The following SIGLEC1 variants were observed in gnomAD, a reference collection of about 807,000 sequenced individuals.
SIGLEC1 encodes the protein sialoadhesin.
SIGLEC1 carries 132 observed loss-of-function variants against 148.0 expected under a neutral mutation model. That is an observed-to-expected ratio of 0.89 (90% confidence interval 0.77 to 1.03). The LOEUF (loss-of-function observed/expected upper bound fraction) is 1.03, where lower values mean the gene tolerates loss of function less well. Ranked by LOEUF, SIGLEC1 falls within the 50% of genes least tolerant of loss-of-function variation. The probability of loss-of-function intolerance (pLI) is 0.00; values close to 1 mark genes in which losing one functional copy is unlikely to be tolerated. For synonymous variants in SIGLEC1, 945 were observed against 969.0 expected (o/e 0.98, Z 0.46); for missense variants, 2,253 against 2,271.4 (o/e 0.99, Z 0.16).
rs1307504456 is a variant in SIGLEC1, at chr20:3,694,411, G to A, written c.3066C>T (p.Arg1022=). 2.5e-6 allele frequency: 4 copies of A among 1,612,760 alleles called. No homozygotes were observed. The highest frequency in any genetic ancestry group is 3.4e-6 in the Non-Finnish European group (4 of 1,179,632). The stretch of plus-strand genomic sequence containing the variant: ...CACCTTGTAGGGTGGAGGCCACAAG[G>A]CGATCCCCGTGGAGCAGCCGCAGCT... The part of the protein sequence containing the change: ...PAQLRLLHGD[R]LVASTLQGVG... Residue 1022 remains arginine (R), a synonymous_variant, in exon 13 of 22, where the codon CGC becomes CGT. Transcript: ENST00000344754.
Position 3,703,748 on chromosome 20 carries a change from C to T in SIGLEC1, c.973+77G>A, listed in dbSNP as rs1055969746. The T allele has an allele frequency of 1.1e-5, 17 of 1,574,634 alleles. No individual in the cohort carries two copies. In the East Asian group the frequency reaches 3.4e-4, roughly 31 times the overall value. On this transcript the variant is annotated intron_variant, in intron 5 of 21. Coordinates refer to ENST00000344754, the MANE Select transcript of SIGLEC1 (RefSeq NM_023068.4). Reference sequence around the variant, plus strand: ...TATGCCAGTTGCTGGCCCTGCCCTGCCCTGTCTCCCCTCCGTCCCTGAGGC... The same window carrying T: ...TATGCCAGTTGCTGGCCCTGCCCTGTCCTGTCTCCCCTCCGTCCCTGAGGC...
chr20:3,709,450 A>G (rs1361033402), intron 1 of SIGLEC1, among the ~76,000 whole-genome samples: 1 of 152,224 alleles, frequency 6.6e-6, no homozygotes, highest in East Asian at 1.9e-4. Context: ...GAGGATGCGA[A>G]GTTGAAATTC....
intron 10 of SIGLEC1, 72 bp from the exon 11 acceptor site, chr20:3,696,960 A>C (rs1600284296): frequency 6.5e-7 from 1 of 1,526,984 alleles, no homozygotes; most frequent in Admixed American, 1.9e-5. Context: ...TATGTCCCCC[A>C]CCTCCTGCCA....
rs76015237 is a variant in SIGLEC1, at chr20:3,699,464, G to A, written c.1529-5C>T. The A allele has an allele frequency of 1.8e-4, 293 of 1,605,120 alleles. 1 individual carries two copies. In the East Asian group the frequency reaches 5.8e-3, roughly 32 times the overall value. On this transcript the variant is annotated splice_polypyrimidine_tract_variant and splice_region_variant and intron_variant, in intron 7 of 21. Coordinates refer to ENST00000344754, the MANE Select transcript of SIGLEC1 (RefSeq NM_023068.4). ...GGCTGATGAGGAGACGGGCGGCTGCGGGGAGAGGAAGAGGCTGGGAAGGGT... is the reference window on the plus strand; with the variant it reads ...GGCTGATGAGGAGACGGGCGGCTGCAGGGAGAGGAAGAGGCTGGGAAGGGT...
intron 7 of SIGLEC1, 21 bp downstream of exon 7, chr20:3,701,321 G>A (rs536446972): frequency 3.2e-6 from 5 of 1,584,054 alleles, no homozygotes; most frequent in South Asian, 1.2e-5. Flanking sequence ...CACTCTCCCT[G>A]GCTGCCAGTG....
rs1299130744 is a variant in SIGLEC1 at position 3,687,595 on chromosome 20, T to A, written c.*965A>T. On this transcript the variant is annotated 3_prime_UTR_variant, in exon 22 of 22. Transcript: ENST00000344754. ...TAGGAAAACACCAAACCTTTTTTATTTCCTCAGTCTTAGTGTGAGAGTGAT... is the reference window on the plus strand; with the variant it reads ...TAGGAAAACACCAAACCTTTTTTATATCCTCAGTCTTAGTGTGAGAGTGAT... 2 of 152,192 alleles carry A rather than the reference T, an allele frequency of 1.3e-5. No individual in the cohort carries two copies. Among genetic ancestry groups the A allele is most frequent in the Non-Finnish European group, 2.9e-5 (2 of 68,042 alleles). 9.4% of individuals were successfully genotyped at this position (152,192 alleles called of 1,614,324 possible).
chr20:3,698,807 A>AG (rs1036160003), intron 8 of SIGLEC1, among the ~76,000 whole-genome samples: 9 of 152,304 alleles, frequency 5.9e-5, no homozygotes, highest in African/African-American at 1.9e-4. Context: ...GCGGATGCAG[A>AG]GGGGCTGTCT....
rs780021394 is a variant in SIGLEC1, at chr20:3,706,531, G to A, written c.225C>T (p.Asp75=). ...GGAAGCGGGCCTCCACCAGCTTGGG[G>A]TCCGCCGAGTGGCTCACCACCTGCC... ...GQRQVVSHSA[D]PKLVEARFRG... Residue 75 remains aspartate, a synonymous_variant, in exon 3 of 22, where the codon GAC becomes GAT. Coordinates refer to ENST00000344754, the MANE Select transcript of SIGLEC1 (RefSeq NM_023068.4). 1.2e-6 allele frequency: 2 copies of A among 1,612,916 alleles called. No homozygotes were observed. Among genetic ancestry groups the A allele is most frequent in the African/African-American group, 1.3e-5 (1 of 74,944 alleles).
chr20:3,707,134 G>T lies in SIGLEC1; in HGVS notation c.-6C>A. ...AGCTTGGGCAAGAAGCCCATAGCAGGTTCTTGTGCTGCTCCTGTTGCCTAA... is the reference window on the plus strand; with the variant it reads ...AGCTTGGGCAAGAAGCCCATAGCAGTTTCTTGTGCTGCTCCTGTTGCCTAA... On this transcript the variant is annotated 5_prime_UTR_variant, in exon 2 of 22. Transcript: ENST00000344754. 1 of 1,613,930 alleles carries T rather than the reference G, an allele frequency of 6.2e-7. No homozygotes were observed. The highest frequency in any genetic ancestry group is 1.3e-5 in the African/African-American group (1 of 75,064).
At chr20:3,699,556 A>G in intron 7 of SIGLEC1, 97 bp from the exon 8 acceptor site, 1 of 1,451,278 alleles carries the variant, frequency 6.9e-7, no homozygotes, top group Non-Finnish European at 9.3e-7. Flanking sequence ...TCCCCACACT[A>G]CTGTAGGTAG....
chr20:3,695,975 C>G (rs2088816538), intron 11 of SIGLEC1, among the ~76,000 whole-genome samples: 1 of 151,992 alleles, frequency 6.6e-6, no homozygotes, highest in Non-Finnish European at 1.5e-5. Flanking sequence ...CCACACCTAG[C>G]TAATTTTTGT....
chr20:3,695,040 C>T, intron 11 of SIGLEC1, 117 bp from the exon 12 acceptor site: 1 of 1,069,996 alleles, frequency 9.3e-7, no homozygotes. Context: ...GAGCCGCAGC[C>T]CCTTCCAGAC....
rs200109891 is a variant in SIGLEC1, at chr20:3,696,651, C to G, written c.2618G>C (p.Ser873Thr). ...VRELGLGDSG[S>T]YRCEATNVLG... ...AACATTTGTGGCCTCACAGCGGTAG[C>G]TGCCAGAGTCCCCAAGGCCCAGTTC... is the stretch of plus-strand genomic sequence containing the variant. Residue 873 changes from serine to threonine, a missense_variant, in exon 11 of 22, where the codon AGC becomes ACC. Coordinates refer to ENST00000344754, the MANE Select transcript of SIGLEC1 (RefSeq NM_023068.4). The G allele has an allele frequency of 8.7e-6, 14 of 1,613,850 alleles. No individual in the cohort carries two copies. The highest frequency in any genetic ancestry group is 1.3e-5 in the African/African-American group (1 of 75,068).
chr20:3,689,309 G>A, intron 20 of SIGLEC1, 82 bp from the exon 21 acceptor site: 2 of 1,229,750 alleles, frequency 1.6e-6, no homozygotes, highest in Non-Finnish European at 1.2e-6. Context: ...CCACAGGCTG[G>A]CTCCAGACCA....
In SIGLEC1 at chr20:3,692,651, C is replaced by G; in HGVS notation, c.3900G>C (p.Trp1300Cys). 1 of 1,613,130 alleles carries G rather than the reference C, an allele frequency of 6.2e-7. No homozygotes were observed. Among genetic ancestry groups the G allele is most frequent in the Non-Finnish European group, 8.5e-7 (1 of 1,180,032 alleles). ...TLYTWYHNGR[W>C]LQEGPAASLS... ...GTGAGGCAGCTGGACCCTCCTGCAG[C>G]CAACGACCGTTGTGGTACCAAGTAT... is the stretch of plus-strand genomic sequence containing the variant. Residue 1300 changes from tryptophan to cysteine, a missense_variant, in exon 16 of 22, where the codon TGG (tryptophan) becomes TGC (cysteine). Physicochemically the swap from Trp to Cys is radical, Grantham distance 215. Coordinates refer to ENST00000344754, the MANE Select transcript of SIGLEC1 (RefSeq NM_023068.4).
intron 17 of SIGLEC1, 100 bp from the exon 18 acceptor site, chr20:3,691,700 G>T: frequency 1.4e-6 from 2 of 1,477,028 alleles, no homozygotes; most frequent in Non-Finnish European, 1.8e-6. Context: ...TTGTGGGAAG[G>T]TCTCAGTCTG....
chr20:3,691,880 C>G, intron 17 of SIGLEC1, 23 bp downstream of exon 17: 1 of 1,550,468 alleles, frequency 6.4e-7, no homozygotes, highest in South Asian at 1.2e-5. Flanking sequence ...AGAGCCCCTC[C>G]TCCTCCCCTC....
intron 18 of SIGLEC1, 34 bp downstream of exon 18, chr20:3,691,306 G>A: frequency 6.2e-7 from 1 of 1,609,308 alleles, no homozygotes; most frequent in African/African-American, 1.3e-5. Context: ...TGAGATGTGG[G>A]GAGACTAAGG....
Position 3,700,697 on chromosome 20 carries a change from CTTTTTT to C in SIGLEC1, c.1528+639_1528+644del, listed in dbSNP as rs71195856. 8.1e-3 allele frequency among the ~76,000 whole-genome samples: 966 copies of C among 119,866 alleles called. 7 individuals carry two copies. The highest frequency in any genetic ancestry group is 0.026 in the African/African-American group (825 of 31,196). 78.6% of individuals were successfully genotyped at this position (119,866 alleles called of 152,430 possible). ...GACCGTACTTTTCTTTTTTCTTTTT[CTTTTTT>C]TTTTTTTTTTTTTTGAGACAGAGTC... On this transcript the variant is annotated intron_variant, in intron 7 of 21. Transcript: ENST00000344754.
Sources: allele counts gnomAD v4.1 joint callset (sites outside exome capture counted in the v4.1 genomes callset), GRCh38; gene constraint gnomAD v4.1.1; transcripts MANE v1.5; gene names NCBI Gene and HGNC (gene_info 2026-07-23, HGNC 2026-07-21).